The following BCAP29 variants were observed in gnomAD, a reference collection of about 807,000 sequenced individuals.
The protein encoded by BCAP29 is B cell receptor associated protein 29.
In BCAP29, 34 loss-of-function variants were observed where a neutral mutation model predicts 31.8. That is an observed-to-expected ratio of 1.07 (90% CI 0.81 to 1.42). BCAP29 has a LOEUF of 1.42. BCAP29 is among the 40% of genes most tolerant of loss of function. BCAP29 has a pLI of 0.00. For synonymous variants in BCAP29, 104 were observed against 91.3 expected, an observed-to-expected ratio of 1.14 and a Z score of -0.79; for missense variants, 314 against 269.2, an observed-to-expected ratio of 1.17 and a Z score of -1.16.
chr7:107,610,760 A>G (rs1053052914), intron 6 of BCAP29, among the ~76,000 whole-genome samples: 1 of 152,200 alleles, frequency 6.6e-6, no homozygotes, highest in African/African-American at 2.4e-5. Context: ...TAGGCTGTAC[A>G]AGTGGTTTTC....
intron 6 of BCAP29, among the ~76,000 whole-genome samples, chr7:107,603,986 A>T (rs1811637492): frequency 6.6e-6 from 1 of 152,118 alleles, no homozygotes; most frequent in African/African-American, 2.4e-5. Flanking sequence ...CACTTTCCTT[A>T]AAAAGTGTGC....
rs1806488729 is a variant in BCAP29 at position 107,580,803 on chromosome 7, T to G, written c.31T>G (p.Phe11Val). MTLQWAAVAT[F>V]LYAEIGLILI... ...ACTCCAATGGGCTGCAGTGGCAACC[T>G]TTCTTTATGCCGAAATAGGACTCAT... The change falls in exon 2 of 8, where the codon TTT becomes GTT. Residue 11 changes from phenylalanine to valine, a missense_variant. Phe to Val is a conservative substitution (Grantham distance 50). Transcript: ENST00000005259. 1 of 1,598,076 alleles carries G rather than the reference T, an allele frequency of 6.3e-7. No individual in the cohort carries two copies. Among genetic ancestry groups the G allele is most frequent in the Non-Finnish European group, 8.5e-7 (1 of 1,173,592 alleles).
At chr7:107,598,169 G>A (rs944754033) in intron 5 of BCAP29, among the ~76,000 whole-genome samples, 37 of 152,112 alleles carry the variant, frequency 2.4e-4, no homozygotes, top group African/African-American at 8.7e-4. Flanking sequence ...CAGCGAAAAC[G>A]TTCCTGCAAC....
At chr7:107,595,142 A>G (rs1450441109) in intron 4 of BCAP29, among the ~76,000 whole-genome samples, 1 of 152,142 alleles carries the variant, frequency 6.6e-6, no homozygotes, top group African/African-American at 2.4e-5. Flanking sequence ...TTACTCATCC[A>G]TTAGCCTCTT....
chr7:107,594,044 A>G lies in BCAP29; in HGVS notation c.283A>G (p.Met95Val), dbSNP rs767955515. The G allele has an allele frequency of 3.3e-5, 54 of 1,613,832 alleles. No individual in the cohort carries two copies. Among genetic ancestry groups the G allele is most frequent in the Non-Finnish European group, 3.9e-5 (46 of 1,179,812 alleles). ...ACCTGATGCCTATGAACACACACAG[A>G]TGAAACTTTTTAGGTCTCAAAGAAA... ...SRPDAYEHTQ[M>V]KLFRSQRNLY... Residue 95 changes from methionine (M) to valine (V), a missense_variant, in exon 4 of 8, where the codon ATG (methionine) becomes GTG (valine). Physicochemically the swap from Met to Val is conservative, Grantham distance 21 (BLOSUM62 1). Transcript: ENST00000005259.
At chr7:107,585,721 G>A (rs1200411179) in intron 3 of BCAP29, among the ~76,000 whole-genome samples, 1 of 152,144 alleles carries the variant, frequency 6.6e-6, no homozygotes, top group East Asian at 1.9e-4. Context: ...CGGGCGCGGC[G>A]GCTCACCTCT....
At chr7:107,623,165 T>A (rs2129303146), downstream of BCAP29, 1 of 152,330 alleles carries the variant, frequency 6.6e-6, no homozygotes, top group African/African-American at 2.4e-5. Flanking sequence ...TGTCCTGAAT[T>A]GCTGTGAATG....
chr7:107,621,526 T>G, downstream of BCAP29: 1 of 360,218 alleles, frequency 2.8e-6, no homozygotes, highest in Non-Finnish European at 5.6e-6. Context: ...GGAAATGTTC[T>G]CTTCTATAGC....
In BCAP29 at chr7:107,583,969, T is replaced by C; in HGVS notation, c.180T>C (p.Ile60=). Residue 60 remains isoleucine (I), a synonymous_variant, in exon 3 of 8, where the codon ATT becomes ATC. Transcript: ENST00000005259. ...KAFLTIIILL[I]VLFLDAVREV... is the part of the protein sequence containing the mutation. ...TCCTTACCATTATCATCCTATTGATTGTTCTATTTCTAGGTAAGTACTAGA... is the reference window on the plus strand; with the variant it reads ...TCCTTACCATTATCATCCTATTGATCGTTCTATTTCTAGGTAAGTACTAGA... The C allele has an allele frequency of 6.4e-7, 1 of 1,565,370 alleles. No homozygotes were observed. Among genetic ancestry groups the C allele is most frequent in the Non-Finnish European group, 8.7e-7 (1 of 1,150,644 alleles).
chr7:107,582,740 T>C (rs1806927462), intron 2 of BCAP29, among the ~76,000 whole-genome samples: 1 of 152,196 alleles, frequency 6.6e-6, no homozygotes, highest in South Asian at 2.1e-4. Flanking sequence ...CTGCTAGTTG[T>C]TCCCTATGAG....
chr7:107,618,574 T>C lies in BCAP29; in HGVS notation c.*211T>C. 1.3e-6 allele frequency: 2 copies of C among 1,595,000 alleles called. No homozygotes were observed. Among genetic ancestry groups the C allele is most frequent in the South Asian group, 1.1e-5 (1 of 89,982 alleles). The stretch of plus-strand genomic sequence containing the variant: ...TGTATTCCAGCTCTTAAGAAAAATA[T>C]AAGCATGTTAAATACCATATTTACA... On this transcript the variant is annotated 3_prime_UTR_variant, in exon 8 of 8. Transcript: ENST00000005259.
At chr7:107,584,218 A>G (rs1309196767) in intron 3 of BCAP29, among the ~76,000 whole-genome samples, 1 of 152,184 alleles carries the variant, frequency 6.6e-6, no homozygotes, top group Non-Finnish European at 1.5e-5. Context: ...TTATTTTAAG[A>G]TTTAAATGCT....
downstream of BCAP29, chr7:107,622,193 C>T (rs954173288): frequency 2.9e-5 from 6 of 209,550 alleles, no homozygotes; most frequent in Admixed American, 5.7e-5. Context: ...CTCTCATATA[C>T]ATGCTCTCAG....
At chr7:107,597,753 A>C (rs2129243031) in intron 5 of BCAP29, among the ~76,000 whole-genome samples, 1 of 152,296 alleles carries the variant, frequency 6.6e-6, no homozygotes, top group Middle Eastern at 3.4e-3. Context: ...TCATAACCAC[A>C]TTATTTTGTG....
intron 4 of BCAP29, among the ~76,000 whole-genome samples, chr7:107,594,667 A>G (rs1809485462): frequency 6.6e-6 from 1 of 151,680 alleles, no homozygotes; most frequent in Non-Finnish European, 1.5e-5. Flanking sequence ...GTGCCCTGCT[A>G]ATTTTTTTGT....
At chr7:107,600,685 A>G (rs1811015991) in intron 6 of BCAP29, among the ~76,000 whole-genome samples, 180 bp downstream of exon 6, 1 of 152,252 alleles carries the variant, frequency 6.6e-6, no homozygotes, top group South Asian at 2.1e-4. Flanking sequence ...CAAGAGAAAC[A>G]TGCTCTGTTA....
At chr7:107,617,524 C>G (rs1380543707) in intron 7 of BCAP29, among the ~76,000 whole-genome samples, 1 of 152,274 alleles carries the variant, frequency 6.6e-6, no homozygotes, top group South Asian at 2.1e-4. Flanking sequence ...ACAAACCCAT[C>G]AGCACCTGCC....
In BCAP29 at chr7:107,610,285, C is replaced by T. The variant is rs546312231; in HGVS notation, c.590-3047C>T. Among the ~76,000 whole-genome samples the T allele has an allele frequency of 5.9e-5, 9 of 152,314 alleles. No individual in the cohort carries two copies. In the South Asian group the frequency reaches 6.2e-4, roughly 11 times the overall value. ...ATATCTCAGTATTTCCATAAAGCCACTGGCAAGTGATAGCAGCCCGTTTTT... is the reference window on the plus strand; with the variant it reads ...ATATCTCAGTATTTCCATAAAGCCATTGGCAAGTGATAGCAGCCCGTTTTT... On this transcript the variant is annotated intron_variant, in intron 6 of 7. Transcript: ENST00000005259.
At chr7:107,581,153 C>T (rs1245403098) in intron 2 of BCAP29, among the ~76,000 whole-genome samples, 1 of 152,176 alleles carries the variant, frequency 6.6e-6, no homozygotes, top group Non-Finnish European at 1.5e-5. Context: ...ACCTGCCCTG[C>T]CTTGTCTCAG....
Sources: allele counts gnomAD v4.1 joint callset (sites outside exome capture counted in the v4.1 genomes callset), GRCh38; gene constraint gnomAD v4.1.1; transcripts MANE v1.5; gene names NCBI Gene and HGNC (gene_info 2026-07-23, HGNC 2026-07-21).